EIF3H: variants seen among roughly 807,000 people sequenced by gnomAD.
EIF3H encodes eIF-3-gamma.
A neutral mutation model predicts 44.2 loss-of-function variants in EIF3H; 26 were observed. The ratio of observed to expected loss-of-function variants is 0.59; its 90% confidence interval spans 0.43 to 0.82. EIF3H has a LOEUF of 0.82. EIF3H is among the 40% of genes least tolerant of loss of function. The pLI is 0.00. For missense variants in EIF3H, 359 were observed against 432.8 expected, an observed-to-expected ratio of 0.83 and a Z score of 1.51; for synonymous variants, 166 against 151.9, an observed-to-expected ratio of 1.09 and a Z score of -0.68.
intron 1 of EIF3H, among the ~76,000 whole-genome samples, chr8:116,739,091 G>T (rs1285978425): frequency 6.6e-6 from 1 of 152,182 alleles, no homozygotes; most frequent in African/African-American, 2.4e-5. Context: ...CAGTTTACTG[G>T]AATAAGAGCA....
chr8:116,648,423 G>T, intron 6 of EIF3H, among the ~76,000 whole-genome samples: 1 of 152,108 alleles, frequency 6.6e-6, no homozygotes. Flanking sequence ...AATCACAATT[G>T]CTCCGTTTTT....
intron 2 of EIF3H, among the ~76,000 whole-genome samples, chr8:116,666,776 A>AAAAAAAT (rs1554598153): frequency 6.6e-6 from 1 of 150,860 alleles, no homozygotes. Context: ...AAAAAAAAAA[A>AAAAAAAT]TTACACTATG....
chr8:116,680,673 AGGGACACAAACACTGCGGAAGGCCGCAG>A (rs1813968086), intron 2 of EIF3H, among the ~76,000 whole-genome samples: 1 of 132,066 alleles, frequency 7.6e-6, no homozygotes, highest in Non-Finnish European at 1.6e-5. Context: ...TTAAGTACCC[AGGGACACAAACACTGCGGAAGGCCGCAG>A]GGTCCTCTGC....
intron 1 of EIF3H, among the ~76,000 whole-genome samples, chr8:116,734,547 C>A (rs1418105290): frequency 1.3e-5 from 2 of 152,090 alleles, no homozygotes; most frequent in East Asian, 3.9e-4. Flanking sequence ...AATAACCCCA[C>A]CTACTGGCAG....
intron 2 of EIF3H, among the ~76,000 whole-genome samples, chr8:116,662,481 T>C (rs1240852861): frequency 6.6e-6 from 1 of 152,104 alleles, no homozygotes; most frequent in Non-Finnish European, 1.5e-5. Context: ...AAAAAAATAA[T>C]AAGTAATACT....
At chr8:116,723,809 A>C (rs565245408) in intron 2 of EIF3H, among the ~76,000 whole-genome samples, 2 of 152,224 alleles carry the variant, frequency 1.3e-5, no homozygotes. Context: ...CTGAAACTAC[A>C]AAACGCTGCT....
intron 2 of EIF3H, among the ~76,000 whole-genome samples, chr8:116,720,099 T>C (rs1814720445): frequency 6.6e-6 from 1 of 152,200 alleles, no homozygotes; most frequent in African/African-American, 2.4e-5. Flanking sequence ...CCTTCAACTG[T>C]GCAGATTAAC....
At chr8:116,680,438 G>A (rs1813962566) in intron 2 of EIF3H, among the ~76,000 whole-genome samples, 1 of 71,714 alleles carries the variant, frequency 1.4e-5, no homozygotes, top group African/African-American at 4.9e-5. Context: ...GGGTCTGTGT[G>A]GATAGAAGTA....
intron 6 of EIF3H, 121 bp downstream of exon 6, chr8:116,648,680 AAATAT>A: frequency 8.7e-7 from 1 of 1,145,212 alleles, no homozygotes; most frequent in Non-Finnish European, 1.1e-6. Flanking sequence ...AATCTTTTAA[AAATAT>A]AATATAGAGT....
chr8:116,752,698 A>AG (rs1194749174), intron 1 of EIF3H, among the ~76,000 whole-genome samples: 3 of 131,648 alleles, frequency 2.3e-5, no homozygotes, highest in Non-Finnish European at 4.9e-5. Flanking sequence ...GAAAGAAAGA[A>AG]AGAAAGAAAG....
chr8:116,706,905 A>T (rs1203983358), intron 2 of EIF3H, among the ~76,000 whole-genome samples: 1 of 152,176 alleles, frequency 6.6e-6, no homozygotes, highest in Non-Finnish European at 1.5e-5. Context: ...AGGCTAATAT[A>T]AGTGTTCTGA....
At chr8:116,646,353 C>A (rs1207635305) in intron 7 of EIF3H, 118 bp downstream of exon 7, 3 of 1,432,338 alleles carry the variant, frequency 2.1e-6, no homozygotes. Context: ...ATTCATCCTG[C>A]AACTATTTCA....
intron 1 of EIF3H, among the ~76,000 whole-genome samples, chr8:116,743,804 A>ATATATATATAT (rs1815180734): frequency 4.2e-5 from 1 of 23,886 alleles, no homozygotes; most frequent in African/African-American, 1.4e-4. Flanking sequence ...ATATAAACAC[A>ATATATATATAT]CACACACACA....
At chr8:116,679,454 G>T (rs1813926835) in intron 2 of EIF3H, among the ~76,000 whole-genome samples, 1 of 39,442 alleles carries the variant, frequency 2.5e-5, no homozygotes, top group African/African-American at 6.1e-5. Flanking sequence ...TCCGGGAGGT[G>T]AGGGGCGCCT....
intron 2 of EIF3H, among the ~76,000 whole-genome samples, chr8:116,683,831 G>C (rs1814030802): frequency 6.6e-6 from 1 of 152,172 alleles, no homozygotes; most frequent in East Asian, 1.9e-4. Context: ...ATCCAGGCAG[G>C]TTACATATGT....
Position 116,718,696 on chromosome 8 carries a change from G to A in EIF3H, c.289+7320C>T, listed in dbSNP as rs531430007. On this transcript the variant is annotated intron_variant, in intron 2 of 7. Coordinates refer to ENST00000521861, the MANE Select transcript of EIF3H (RefSeq NM_003756.3). ...TATGAGGATGCAAAGGCATAAGACC[G>A]ATACAATGGGCTTTGAGGAATTGGA... 4.4e-4 allele frequency among the ~76,000 whole-genome samples: 63 copies of A among 142,100 alleles called. No homozygotes were observed. The South Asian group carries it at 0.011, about 24-fold the overall frequency. The allele number at this position is 142,100 out of a possible 152,430, so 93.2% of individuals were successfully genotyped here.
chr8:116,687,901 A>T (rs1265113420), intron 2 of EIF3H, among the ~76,000 whole-genome samples: 2 of 152,158 alleles, frequency 1.3e-5, no homozygotes, highest in Non-Finnish European at 2.9e-5. Flanking sequence ...TTAATGACAC[A>T]AGCTAAGAAT....
intron 2 of EIF3H, among the ~76,000 whole-genome samples, chr8:116,721,199 C>T (rs1409085169): frequency 6.6e-6 from 1 of 152,176 alleles, no homozygotes; most frequent in African/African-American, 2.4e-5. Flanking sequence ...CCACTCTAGC[C>T]ATGGCTAAAA....
chr8:116,706,915 A>T (rs2130891116), intron 2 of EIF3H, among the ~76,000 whole-genome samples: 1 of 152,314 alleles, frequency 6.6e-6, no homozygotes, highest in South Asian at 2.1e-4. Flanking sequence ...AAGTGTTCTG[A>T]ATACATTTAA....
Sources: allele counts gnomAD v4.1 joint callset (sites outside exome capture counted in the v4.1 genomes callset), GRCh38; gene constraint gnomAD v4.1.1; transcripts MANE v1.5; gene names NCBI Gene and HGNC (gene_info 2026-07-23, HGNC 2026-07-21).